The following PCDH11X variants were observed in gnomAD, a reference collection of about 807,000 sequenced individuals.
The protein encoded by PCDH11X is protocadherin 11 X-linked.
A neutral mutation model predicts 53.3 loss-of-function variants in PCDH11X; 18 were observed. The ratio of observed to expected loss-of-function variants is 0.34; its 90% CI spans 0.23 to 0.50. The LOEUF (loss-of-function observed/expected upper bound fraction) is 0.50, where lower values mean the gene tolerates loss of function less well. Among genes scored for constraint, PCDH11X ranks in the 20% least tolerant of loss-of-function variants. The pLI, the probability that PCDH11X is intolerant of heterozygous loss-of-function variation, is 0.98. For synonymous variants in PCDH11X, 279 were observed against 393.3 expected (o/e 0.71, Z 3.44); for missense variants, 570 against 1,032.4 (o/e 0.55, Z 6.14).
chrX:92,613,063 A>G (rs2148818014), intron 10 of PCDH11X, among the ~76,000 whole-genome samples: 2 of 110,091 alleles, frequency 1.8e-5, no homozygotes, highest in South Asian at 7.8e-4. Context: ...GCAGCTTGTT[A>G]CTCCATATCT....
rs768755254 is a variant in PCDH11X at position 92,077,622 on chromosome X, GAGGAAGGAAGGAAGGAAGGA to G, written c.3034-123724_3034-123705del. On this transcript the variant is annotated intron_variant, in intron 6 of 10. Transcript: ENST00000682573. ...TGTTTCAAAAAAGAAGGAAGGAAGG[GAGGAAGGAAGGAAGGAAGGA>G]AGGAAGGAAGGAAGGAAGGAAGGAA... Among the ~76,000 whole-genome samples the G allele has an allele frequency of 1.2e-3, 111 of 96,161 alleles. 1 individual carries two copies. Among genetic ancestry groups the G allele is most frequent in the African/African-American group, 3.9e-3 (104 of 26,621 alleles). The allele number at this position is 96,161 out of a possible 115,157, so 83.5% of individuals were successfully genotyped here.
chrX:92,096,413 G>A (rs192340510), intron 6 of PCDH11X, among the ~76,000 whole-genome samples: 1 of 102,398 alleles, frequency 9.8e-6, no homozygotes, highest in East Asian at 3.1e-4. Context: ...ACATAGTTTA[G>A]GGGCCCTAAG....
chrX:92,232,630 A>T (rs2067096600), intron 7 of PCDH11X, among the ~76,000 whole-genome samples: 1 of 112,377 alleles, frequency 8.9e-6, no homozygotes, highest in Non-Finnish European at 1.9e-5. Context: ...ATAGACATAG[A>T]CAATAAATCT....
chrX:92,279,209 A>G (rs6618943), intron 8 of PCDH11X, among the ~76,000 whole-genome samples: 5,801 of 111,967 alleles, frequency 0.052, 349 homozygotes, highest in East Asian at 0.23. Flanking sequence ...AGCCTGGTAT[A>G]TTTATCAGAT....
chrX:92,183,188 A>G (rs768701806), intron 6 of PCDH11X, among the ~76,000 whole-genome samples: 5 of 111,102 alleles, frequency 4.5e-5, no homozygotes, highest in Non-Finnish European at 9.4e-5. Context: ...CTAGTTTCCA[A>G]ACAGGCATTC....
At chrX:92,544,230 G>A (rs778145075) in intron 10 of PCDH11X, among the ~76,000 whole-genome samples, 60 of 111,528 alleles carry the variant, frequency 5.4e-4, no homozygotes, top group African/African-American at 1.9e-3. Context: ...TGGCTAAGTA[G>A]GACAGCAAAA....
chrX:92,593,359 G>A (rs1210769835), intron 10 of PCDH11X, among the ~76,000 whole-genome samples: 1 of 111,772 alleles, frequency 8.9e-6, no homozygotes, highest in South Asian at 3.7e-4. Context: ...AATGTTATAC[G>A]TGGTTAAAAT....
intron 9 of PCDH11X, chrX:92,460,542 C>G: frequency 1.3e-6 from 1 of 744,302 alleles, no homozygotes; most frequent in East Asian, 3.2e-5. Context: ...GCTGAGATGA[C>G]GCTCACAGAG....
chrX:92,601,619 G>A (rs1006523396), intron 10 of PCDH11X, among the ~76,000 whole-genome samples: 1 of 110,986 alleles, frequency 9.0e-6, no homozygotes, highest in African/African-American at 3.3e-5. Flanking sequence ...CATATTCATA[G>A]CCGCATTATT....
At chrX:92,101,921 G>A (rs1036583987) in intron 6 of PCDH11X, among the ~76,000 whole-genome samples, 4 of 111,725 alleles carry the variant, frequency 3.6e-5, no homozygotes, top group South Asian at 3.7e-4. Context: ...TCTGAGAGGC[G>A]GGCTAGTGGC....
intron 6 of PCDH11X, among the ~76,000 whole-genome samples, chrX:92,107,566 G>A (rs1162383400): frequency 2.7e-5 from 3 of 111,704 alleles, no homozygotes; most frequent in East Asian, 2.8e-4. Context: ...GAGAAACCCC[G>A]TCTCTACTAA....
chrX:92,389,833 C>CTT (rs760090937), intron 9 of PCDH11X, among the ~76,000 whole-genome samples: 3 of 104,304 alleles, frequency 2.9e-5, no homozygotes, highest in African/African-American at 1.0e-4. Flanking sequence ...TACTTAGGGG[C>CTT]TTTTTTTTTT....
intron 8 of PCDH11X, among the ~76,000 whole-genome samples, chrX:92,364,222 T>C (rs1244490904): frequency 3.6e-5 from 4 of 111,537 alleles, no homozygotes; most frequent in Non-Finnish European, 7.5e-5. Flanking sequence ...TAGGGGATTT[T>C]GTGACTGTGC....
At chrX:92,215,121 C>T (rs937975717) in intron 7 of PCDH11X, among the ~76,000 whole-genome samples, 3 of 111,127 alleles carry the variant, frequency 2.7e-5, no homozygotes, top group South Asian at 3.8e-4. Context: ...CCAGCGTGAG[C>T]GACGCAGAAG....
At chrX:92,042,585 A>G (rs2063224975) in intron 6 of PCDH11X, among the ~76,000 whole-genome samples, 1 of 103,822 alleles carries the variant, frequency 9.6e-6, no homozygotes, top group African/African-American at 3.6e-5. Context: ...AATACACACA[A>G]ATAATTATTT....
chrX:92,320,306 A>T (rs1304267499), intron 8 of PCDH11X, among the ~76,000 whole-genome samples: 2 of 111,326 alleles, frequency 1.8e-5, no homozygotes, highest in Admixed American at 9.6e-5. Flanking sequence ...ATCCTGCTGA[A>T]ATGTGTATTA....
chrX:91,828,366 C>T (rs976320573), intron 4 of PCDH11X, among the ~76,000 whole-genome samples: 1 of 110,555 alleles, frequency 9.0e-6, no homozygotes, highest in Non-Finnish European at 1.9e-5. Context: ...GTGATCCGCC[C>T]GCTTCGGCCA....
At chrX:92,338,034 G>C (rs1254688448) in intron 8 of PCDH11X, among the ~76,000 whole-genome samples, 6 of 110,983 alleles carry the variant, frequency 5.4e-5, no homozygotes, top group Non-Finnish European at 1.1e-4. Flanking sequence ...GAGAGGGTTG[G>C]GGGGGTGTGG....
At chrX:91,929,855 T>A (rs774100924) in intron 6 of PCDH11X, among the ~76,000 whole-genome samples, 31 of 111,094 alleles carry the variant, frequency 2.8e-4, no homozygotes, top group Non-Finnish European at 4.7e-4. Flanking sequence ...CTTCTATCAA[T>A]GTTTTGCAAA....
Sources: allele counts gnomAD v4.1 joint callset (sites outside exome capture counted in the v4.1 genomes callset), GRCh38; gene constraint gnomAD v4.1.1; transcripts MANE v1.5; gene names NCBI Gene and HGNC (gene_info 2026-07-23, HGNC 2026-07-21).